Variants in TBC1D32 observed in about 807,000 individuals in gnomAD.
TBC1D32 encodes protein broad-minded.
In TBC1D32, 151 loss-of-function variants were observed where a neutral mutation model predicts 170.3. The ratio of observed to expected loss-of-function variants is 0.89; its 90% CI spans 0.78 to 1.01. The LOEUF is 1.01. Ranked by LOEUF, TBC1D32 falls within the 50% of genes least tolerant of loss-of-function variation. The pLI is 0.00. For synonymous variants in TBC1D32, 498 were observed against 488.0 expected, an observed-to-expected ratio of 1.02 and a Z score of -0.27; for missense variants, 1,464 against 1,457.1, an observed-to-expected ratio of 1.00 and a Z score of -0.08.
At chr6:121,152,058 T>C (rs1247898947) in intron 24 of TBC1D32, among the ~76,000 whole-genome samples, 2 of 152,222 alleles carry the variant, frequency 1.3e-5, no homozygotes, top group Non-Finnish European at 2.9e-5. Flanking sequence ...TGCTAGCTGG[T>C]TATTTTGCCC....
chr6:121,261,222 T>A (rs554735169), intron 15 of TBC1D32, among the ~76,000 whole-genome samples: 1 of 152,300 alleles, frequency 6.6e-6, no homozygotes, highest in Admixed American at 6.5e-5. Context: ...CTCTGAGGAA[T>A]CTGGGCAGAC....
intron 26 of TBC1D32, among the ~76,000 whole-genome samples, chr6:121,118,568 T>G (rs542101916): frequency 1.3e-5 from 2 of 152,204 alleles, no homozygotes; most frequent in Non-Finnish European, 2.9e-5. Flanking sequence ...AAATCTATTC[T>G]GCCTGGCACC....
At chr6:121,265,168 T>C (rs542339679) in intron 15 of TBC1D32, among the ~76,000 whole-genome samples, 4 of 152,238 alleles carry the variant, frequency 2.6e-5, no homozygotes, top group African/African-American at 9.6e-5. Flanking sequence ...GAAAACCCCA[T>C]CGTGTCAGCC....
chr6:121,248,932 C>G (rs963253604), intron 17 of TBC1D32, among the ~76,000 whole-genome samples: 1 of 151,764 alleles, frequency 6.6e-6, no homozygotes, highest in Non-Finnish European at 1.5e-5. Flanking sequence ...AAGAGAGAAT[C>G]CTTCCTAAAT....
chr6:121,134,751 A>G (rs2128220376), intron 24 of TBC1D32, among the ~76,000 whole-genome samples: 1 of 152,244 alleles, frequency 6.6e-6, no homozygotes, highest in Middle Eastern at 3.4e-3. Flanking sequence ...TTTGAGGGGA[A>G]CAATAAATAA....
intron 27 of TBC1D32, 37 bp downstream of exon 27, chr6:121,115,135 T>C (rs1779566772): frequency 4.6e-6 from 7 of 1,527,798 alleles, no homozygotes; most frequent in East Asian, 2.3e-5. Context: ...AAACAAATTC[T>C]AGAAATGCAC....
intron 25 of TBC1D32, chr6:121,129,820 G>A (rs1444187083): frequency 2.5e-6 from 1 of 406,372 alleles, no homozygotes; most frequent in African/African-American, 2.1e-5. Flanking sequence ...TGATTGAGTA[G>A]ATACTATTGG....
intron 22 of TBC1D32, among the ~76,000 whole-genome samples, chr6:121,189,675 C>G (rs199811985): frequency 6.6e-6 from 1 of 151,994 alleles, no homozygotes; most frequent in South Asian, 2.1e-4. Flanking sequence ...TCAGCATTAC[C>G]CAGGAGACAT....
chr6:121,204,720 T>G (rs1239178081), intron 22 of TBC1D32, among the ~76,000 whole-genome samples: 1 of 150,322 alleles, frequency 6.7e-6, no homozygotes, highest in Non-Finnish European at 1.5e-5. Flanking sequence ...AAATCATCCT[T>G]TTCTAGGCCT....
chr6:121,321,857 CA>C, intron 1 of TBC1D32, 63 bp from the exon 2 acceptor site: 1 of 1,373,178 alleles, frequency 7.3e-7, no homozygotes, highest in Non-Finnish European at 9.8e-7. Flanking sequence ...AAAAAAAAAT[CA>C]ACACAGAAAG....
intron 20 of TBC1D32, chr6:121,224,223 A>C (rs1037890848): frequency 2.6e-5 from 4 of 151,920 alleles, no homozygotes; most frequent in African/African-American, 9.7e-5. Flanking sequence ...CCCTCCACTT[A>C]CTCATTATCT....
chr6:121,271,632 G>T (rs1801445129), intron 15 of TBC1D32, among the ~76,000 whole-genome samples: 4 of 152,044 alleles, frequency 2.6e-5, no homozygotes, highest in Admixed American at 6.6e-5. Context: ...ACAAATGGAA[G>T]AACATTCCAT....
chr6:121,295,539 AC>A (rs1805495450), intron 10 of TBC1D32, among the ~76,000 whole-genome samples: 1 of 152,006 alleles, frequency 6.6e-6, no homozygotes, highest in South Asian at 2.1e-4. Flanking sequence ...TCAAGATTAA[AC>A]TCTTTTTCAG....
chr6:121,281,631 T>G lies in TBC1D32; in HGVS notation c.1521A>C (p.Gln507His). 6.2e-7 allele frequency: 1 copy of G among 1,607,294 alleles called. No individual in the cohort carries two copies. Among genetic ancestry groups the G allele is most frequent in the Non-Finnish European group, 8.5e-7 (1 of 1,175,970 alleles). The change falls in exon 14 of 32, where the codon CAA (glutamine) becomes CAC (histidine). Residue 507 changes from glutamine (Q) to histidine (H), a missense_variant. Physicochemically the swap from Gln to His is conservative, Grantham distance 24. Coordinates refer to ENST00000398212, the MANE Select transcript of TBC1D32 (RefSeq NM_152730.6). ...VTEVLWILSD[Q>H]KECAVECLYN... is the part of the protein sequence containing the mutation. ...ATAAGCATTCCACTGCACATTCTTT[T>G]TGATCACTGAGTATCCACAGAACTT... is the stretch of plus-strand genomic sequence containing the variant.
intron 17 of TBC1D32, among the ~76,000 whole-genome samples, chr6:121,245,515 T>C (rs993804421): frequency 3.3e-5 from 5 of 152,108 alleles, no homozygotes; most frequent in South Asian, 2.1e-4. Context: ...ACAAACATAA[T>C]TGCAGTGCTG....
At chr6:121,081,022 A>G (rs1775590651) in intron 31 of TBC1D32, 132 bp from the exon 32 acceptor site, 1 of 980,054 alleles carries the variant, frequency 1.0e-6, no homozygotes, top group East Asian at 2.7e-5. Flanking sequence ...TTGCCAGTAA[A>G]TGTGTCATTG....
chr6:121,157,156 G>A lies in TBC1D32; in HGVS notation c.2773+2854C>T, dbSNP rs369435354. 2.6e-5 allele frequency among the ~76,000 whole-genome samples: 4 copies of A among 152,244 alleles called. No homozygotes were observed. The East Asian group carries it at 7.7e-4, about 29-fold the overall frequency. Reference sequence around the variant, plus strand: ...AGGGGCTATATAAGTCTTTTCCAGTGTCAAGAAAAACTTGTTTTGTGAATC... The same window carrying A: ...AGGGGCTATATAAGTCTTTTCCAGTATCAAGAAAAACTTGTTTTGTGAATC... On this transcript the variant is annotated intron_variant, in intron 24 of 31. Transcript: ENST00000398212.
chr6:121,267,204 G>C (rs1800645924), intron 15 of TBC1D32, among the ~76,000 whole-genome samples: 1 of 151,658 alleles, frequency 6.6e-6, no homozygotes, highest in Non-Finnish European at 1.5e-5. Flanking sequence ...CCCAGCGTGA[G>C]CGACGCAGAA....
chr6:121,206,841 T>A (rs1361012207), intron 21 of TBC1D32, among the ~76,000 whole-genome samples: 1 of 152,218 alleles, frequency 6.6e-6, no homozygotes, highest in Non-Finnish European at 1.5e-5. Context: ...GAATGTGAGC[T>A]AAACAACTCA....
Sources: gnomAD v4.1 joint callset for allele counts (sites outside exome capture counted in the v4.1 genomes callset) on GRCh38, gnomAD v4.1.1 for gene constraint, MANE v1.5 for transcripts, NCBI Gene and HGNC (gene_info 2026-07-23, HGNC 2026-07-21) for gene names.